The following ZSWIM6 variants were observed in gnomAD, a reference collection of about 807,000 sequenced individuals.
ZSWIM6 encodes the protein zinc finger SWIM-type containing 6, also known as zinc finger SWIM domain-containing protein 6.
A neutral mutation model predicts 113.2 loss-of-function variants in ZSWIM6; 9 were observed. The observed-to-expected ratio is 0.08, with a 90% confidence interval of 0.05 to 0.14. The LOEUF (loss-of-function observed/expected upper bound fraction) is 0.14, where lower values mean the gene tolerates loss of function less well. Ranked by LOEUF, ZSWIM6 falls within the 10% of genes least tolerant of loss-of-function variation. The pLI, the probability that ZSWIM6 is intolerant of heterozygous loss-of-function variation, is 1.00. For synonymous variants in ZSWIM6, 611 were observed against 606.5 expected (o/e 1.01, Z -0.11); for missense variants, 1,162 against 1,552.2 (o/e 0.75, Z 4.22).
intron 1 of ZSWIM6, among the ~76,000 whole-genome samples, chr5:61,449,959 A>G (rs1747052339): frequency 6.6e-6 from 1 of 152,206 alleles, no homozygotes; most frequent in Non-Finnish European, 1.5e-5. Flanking sequence ...AGAAAGACAC[A>G]GAGATGGGTT....
intron 1 of ZSWIM6, chr5:61,391,606 A>G (rs1472845367): frequency 1.1e-5 from 10 of 906,924 alleles, no homozygotes; most frequent in South Asian, 2.6e-5. Context: ...GAAGCCCACA[A>G]TGGCCACAAC....
chr5:61,406,779 C>T (rs1248761366), intron 1 of ZSWIM6, among the ~76,000 whole-genome samples: 1 of 151,996 alleles, frequency 6.6e-6, no homozygotes, highest in Non-Finnish European at 1.5e-5. Flanking sequence ...GTGACATGAT[C>T]TCGGCTCTCT....
intron 1 of ZSWIM6, among the ~76,000 whole-genome samples, chr5:61,358,050 A>C (rs935176738): frequency 6.6e-6 from 1 of 152,076 alleles, no homozygotes; most frequent in African/African-American, 2.4e-5. Context: ...CTCTCCTCTC[A>C]TTTATTGCTT....
chr5:61,434,093 A>G lies in ZSWIM6; in HGVS notation c.677-38588A>G, dbSNP rs1170615394. On this transcript the variant is annotated intron_variant, in intron 1 of 13. Transcript: ENST00000252744. ...AATATATGTATAAAATATATGTATT[A>G]TATATACTATATATAACATCTATAA... Among the ~76,000 whole-genome samples the G allele has an allele frequency of 3.4e-5, 5 of 147,344 alleles. No individual in the cohort carries two copies. In the East Asian group the frequency reaches 9.7e-4, roughly 29 times the overall value.
chr5:61,428,000 A>G (rs1248255113), intron 1 of ZSWIM6, among the ~76,000 whole-genome samples: 1 of 151,994 alleles, frequency 6.6e-6, no homozygotes, highest in Admixed American at 6.6e-5. Flanking sequence ...TCCGTTTTCC[A>G]GCTACTGGAG....
chr5:61,356,767 A>G (rs1744922721), intron 1 of ZSWIM6, among the ~76,000 whole-genome samples: 1 of 140,522 alleles, frequency 7.1e-6, no homozygotes, highest in Non-Finnish European at 1.5e-5. Context: ...TATAATATGT[A>G]TAATATATAT....
At chr5:61,502,266 T>A (rs1748487945) in intron 4 of ZSWIM6, among the ~76,000 whole-genome samples, 1 of 152,150 alleles carries the variant, frequency 6.6e-6, no homozygotes, top group Non-Finnish European at 1.5e-5. Flanking sequence ...CTTAGGCAGC[T>A]CTGTGTATGT....
chr5:61,378,995 T>A (rs1300217981), intron 1 of ZSWIM6, among the ~76,000 whole-genome samples: 4 of 151,966 alleles, frequency 2.6e-5, no homozygotes, highest in Non-Finnish European at 5.9e-5. Context: ...GCCTGGGTAA[T>A]GTAGCGAGAC....
chr5:61,470,181 G>A (rs898889937), intron 1 of ZSWIM6, among the ~76,000 whole-genome samples: 7 of 152,216 alleles, frequency 4.6e-5, no homozygotes, highest in African/African-American at 1.7e-4. Context: ...CACTTTTGCA[G>A]AGAGACAAAG....
At chr5:61,337,853 C>T (rs1201398985) in intron 1 of ZSWIM6, among the ~76,000 whole-genome samples, 11 of 151,878 alleles carry the variant, frequency 7.2e-5, no homozygotes, top group Non-Finnish European at 8.8e-5. Flanking sequence ...TTACTTTATA[C>T]CTATTTTATG....
intron 4 of ZSWIM6, among the ~76,000 whole-genome samples, chr5:61,513,123 A>T (rs1050571911): frequency 1.3e-5 from 2 of 152,192 alleles, no homozygotes; most frequent in African/African-American, 2.4e-5. Flanking sequence ...TGCTGTTCCT[A>T]TTCATCTCTT....
chr5:61,478,578 A>G (rs1747768104), intron 2 of ZSWIM6, among the ~76,000 whole-genome samples: 1 of 152,176 alleles, frequency 6.6e-6, no homozygotes, highest in Non-Finnish European at 1.5e-5. Flanking sequence ...TTGTAGTACA[A>G]TATTTCATAG....
intron 4 of ZSWIM6, among the ~76,000 whole-genome samples, chr5:61,505,675 T>TTCCTTCC (rs1580049468): frequency 7.9e-5 from 3 of 38,082 alleles, no homozygotes; most frequent in East Asian, 4.8e-4. Context: ...TCCTTCCTTC[T>TTCCTTCC]TTCCTTGCCT....
chr5:61,440,273 T>C (rs1311301922), intron 1 of ZSWIM6, among the ~76,000 whole-genome samples: 2 of 150,632 alleles, frequency 1.3e-5, no homozygotes, highest in Non-Finnish European at 2.9e-5. Flanking sequence ...GTTTGAAAAA[T>C]TGACAACTCT....
At chr5:61,444,901 T>A (rs1746918632) in intron 1 of ZSWIM6, among the ~76,000 whole-genome samples, 1 of 152,194 alleles carries the variant, frequency 6.6e-6, no homozygotes, top group Non-Finnish European at 1.5e-5. Context: ...AGTGTCAATA[T>A]TCAAGATTTA....
chr5:61,490,836 C>T lies in ZSWIM6; in HGVS notation c.1084C>T (p.His362Tyr). Residue 362 changes from histidine to tyrosine, a missense_variant, in exon 3 of 14, where the codon CAC becomes TAC. Physicochemically the swap from His to Tyr is moderately conservative, Grantham distance 83 (BLOSUM62 2). Around this residue, in one of 4 missense-constraint regions of ZSWIM6, gnomAD observed 96 missense variants for 240.3 expected, o/e 0.40. Coordinates refer to ENST00000252744, the MANE Select transcript of ZSWIM6 (RefSeq NM_020928.2). ...GASIDDENCW[H>Y]LDEEQVQEQV... ...TAGTATAGATGATGAAAACTGCTGG[C>T]ACTTAGATGAAGAGCAGGTTCAAGA... 6.5e-7 allele frequency: 1 copy of T among 1,548,056 alleles called. No homozygotes were observed. Among genetic ancestry groups the T allele is most frequent in the East Asian group, 2.5e-5 (1 of 40,680 alleles).
intron 4 of ZSWIM6, among the ~76,000 whole-genome samples, chr5:61,503,779 A>T (rs1437896981): frequency 3.9e-5 from 6 of 152,186 alleles, no homozygotes; most frequent in African/African-American, 1.4e-4. Context: ...AGACCACATA[A>T]TTTGAAAGAT....
At chr5:61,487,439 A>G (rs1175213713) in intron 2 of ZSWIM6, among the ~76,000 whole-genome samples, 1 of 151,826 alleles carries the variant, frequency 6.6e-6, no homozygotes, top group Non-Finnish European at 1.5e-5. Flanking sequence ...GAAAAATGTC[A>G]ATATTTGGAT....
intron 1 of ZSWIM6, among the ~76,000 whole-genome samples, chr5:61,401,614 G>A (rs746890695): frequency 6.6e-6 from 1 of 152,128 alleles, no homozygotes; most frequent in Non-Finnish European, 1.5e-5. Context: ...GTATAAGAAT[G>A]TAATGGGATA....
Sources: allele counts gnomAD v4.1 joint callset (sites outside exome capture counted in the v4.1 genomes callset), GRCh38; gene constraint gnomAD v4.1.1; regional missense constraint gnomAD v4.1.1; transcripts MANE v1.5; gene names NCBI Gene and HGNC (gene_info 2026-07-23, HGNC 2026-07-21).